Variants in VIT observed in about 807,000 individuals in gnomAD.
VIT encodes vitrin.
VIT carries 99 observed loss-of-function variants against 78.0 expected under a neutral mutation model. The observed-to-expected ratio is 1.27, with a 90% CI of 1.08 to 1.50. The LOEUF (loss-of-function observed/expected upper bound fraction) is 1.50. Among genes scored for constraint, VIT ranks in the 40% most tolerant of loss-of-function variants. VIT has a pLI of 0.00. For missense variants in VIT, 1,126 were observed against 875.3 expected (o/e 1.29, Z -3.61); for synonymous variants, 374 against 334.3 (o/e 1.12, Z -1.29).
At chr2:36,796,494 A>C (rs1665911686) in intron 12 of VIT, among the ~76,000 whole-genome samples, 1 of 152,226 alleles carries the variant, frequency 6.6e-6, no homozygotes, top group Admixed American at 6.5e-5. Context: ...TGGTAGGGGA[A>C]AGAGACAGGG....
chr2:36,718,465 G>A (rs554845544), intron 2 of VIT, among the ~76,000 whole-genome samples: 88 of 152,236 alleles, frequency 5.8e-4, no homozygotes, highest in Middle Eastern at 3.4e-3. Context: ...CAAATTATAT[G>A]TTTGAGCTAT....
chr2:36,738,353 G>A (rs1217024015), intron 3 of VIT, among the ~76,000 whole-genome samples: 1 of 152,138 alleles, frequency 6.6e-6, no homozygotes, highest in Non-Finnish European at 1.5e-5. Context: ...ATTGTTAATT[G>A]AACAAATTAA....
At chr2:36,788,347 A>G (rs1286250904) in intron 12 of VIT, among the ~76,000 whole-genome samples, 1 of 152,214 alleles carries the variant, frequency 6.6e-6, no homozygotes, top group Non-Finnish European at 1.5e-5. Context: ...ATCAATATTA[A>G]TTTTTGAGTT....
At chr2:36,733,676 T>C (rs976331060) in intron 3 of VIT, among the ~76,000 whole-genome samples, 7 of 152,330 alleles carry the variant, frequency 4.6e-5, no homozygotes, top group African/African-American at 1.4e-4. Flanking sequence ...CAACTTTATA[T>C]AGTAAGTTGG....
chr2:36,699,629 GATA>G lies in VIT; in HGVS notation c.-19+2657_-19+2659del, dbSNP rs1664915030. On this transcript the variant is annotated intron_variant, in intron 1 of 15. Coordinates refer to ENST00000379242, the MANE Select transcript of VIT (RefSeq NM_053276.4). Reference sequence around the variant, plus strand: ...ATAGATATAGATAGATATATAGGTAGATAGATAGATAGATAGATAGATAGATAG... The same window carrying G: ...ATAGATATAGATAGATATATAGGTAGGATAGATAGATAGATAGATAGATAG... 8.8e-4 allele frequency among the ~76,000 whole-genome samples: 127 copies of G among 144,514 alleles called. 1 individual carries two copies. The highest frequency in any genetic ancestry group is 2.6e-3 in the African/African-American group (95 of 37,186). 94.8% of individuals were successfully genotyped at this position (144,514 alleles called of 152,430 possible). A position where few individuals can be genotyped will look rare whatever the true frequency, so the allele number is the denominator to read the frequency against.
chr2:36,765,572 G>T (rs1259943596), intron 6 of VIT, among the ~76,000 whole-genome samples: 1 of 152,204 alleles, frequency 6.6e-6, no homozygotes, highest in African/African-American at 2.4e-5. Flanking sequence ...GACAGGTGGG[G>T]ATTATGGGGA....
intron 10 of VIT, among the ~76,000 whole-genome samples, 181 bp downstream of exon 10, chr2:36,781,952 G>A (rs937566205): frequency 6.6e-6 from 1 of 152,096 alleles, no homozygotes; most frequent in African/African-American, 2.4e-5. Flanking sequence ...TCCCTAGGGA[G>A]GCCTGGGGTA....
chr2:36,799,139 GCCTTGTAAATAAGCCAC>G, intron 12 of VIT, among the ~76,000 whole-genome samples: 2 of 152,204 alleles, frequency 1.3e-5, no homozygotes, highest in Non-Finnish European at 2.9e-5. Context: ...TTCATCCCTT[GCCTTGTAAATAAGCCAC>G]CCTCTGGGGA....
At chr2:36,752,088 T>C (rs186477731) in intron 4 of VIT, among the ~76,000 whole-genome samples, 18 of 152,320 alleles carry the variant, frequency 1.2e-4, no homozygotes, top group Admixed American at 1.1e-3. Flanking sequence ...CTAAAGGGTT[T>C]AATGTTCATA....
intron 2 of VIT, among the ~76,000 whole-genome samples, chr2:36,718,967 T>G (rs933157236): frequency 1.3e-4 from 20 of 152,218 alleles, no homozygotes; most frequent in African/African-American, 4.8e-5. Context: ...AAGAATGGGT[T>G]GAGGGTGGGA....
chr2:36,813,845 T>C (rs941707547), intron 15 of VIT, among the ~76,000 whole-genome samples: 11 of 152,228 alleles, frequency 7.2e-5, no homozygotes, highest in African/African-American at 2.4e-4. Flanking sequence ...TCTTCCCCTC[T>C]TCTATTCCCA....
At chr2:36,790,819 T>A (rs1379724317) in intron 12 of VIT, among the ~76,000 whole-genome samples, 1 of 152,206 alleles carries the variant, frequency 6.6e-6, no homozygotes, top group Non-Finnish European at 1.5e-5. Context: ...CAAGCCCCTG[T>A]CTTGCACATG....
At chr2:36,721,163 A>C (rs1324475961) in intron 2 of VIT, among the ~76,000 whole-genome samples, 1 of 152,214 alleles carries the variant, frequency 6.6e-6, no homozygotes, top group African/African-American at 2.4e-5. Context: ...CACACATAAA[A>C]ATTGTTAAGT....
intron 12 of VIT, among the ~76,000 whole-genome samples, chr2:36,794,460 C>T (rs1665724217): frequency 6.6e-6 from 1 of 152,162 alleles, no homozygotes; most frequent in Admixed American, 6.6e-5. Context: ...AGTAACCAGG[C>T]TAATCAGGCC....
At chr2:36,767,006 G>T (rs1669470679) in intron 6 of VIT, 88 bp from the exon 7 acceptor site, 1 of 1,371,214 alleles carries the variant, frequency 7.3e-7, no homozygotes, top group Admixed American at 3.3e-5. Flanking sequence ...CTCATAGCTA[G>T]TGTTCAATCA....
In VIT at chr2:36,707,203, C is replaced by T. The variant is rs182120833; in HGVS notation, c.-18-9150C>T. Among the ~76,000 whole-genome samples, 997 of 152,298 alleles carry T rather than the reference C, an allele frequency of 6.5e-3. 6 individuals are homozygous for T. The highest frequency in any genetic ancestry group is 6.9e-3 in the Non-Finnish European group (472 of 68,024). The stretch of plus-strand genomic sequence containing the variant: ...AAGGGAAATGTATTATCTCACATAA[C>T]AGACAGTCCAGGGGCAGGCCCAGCC... On this transcript the variant is annotated intron_variant, in intron 1 of 15. Coordinates refer to ENST00000379242, the MANE Select transcript of VIT (RefSeq NM_053276.4).
chr2:36,712,446 C>G (rs1665863027), intron 1 of VIT, among the ~76,000 whole-genome samples: 1 of 152,194 alleles, frequency 6.6e-6, no homozygotes, highest in Admixed American at 6.5e-5. Flanking sequence ...CTGCTCTCCG[C>G]CTTCCCTTTG....
chr2:36,779,776 G>C (rs1327318502), intron 9 of VIT, among the ~76,000 whole-genome samples: 1 of 152,174 alleles, frequency 6.6e-6, no homozygotes, highest in Non-Finnish European at 1.5e-5. Context: ...AGCAAGAATT[G>C]TCACAAAAAC....
intron 1 of VIT, among the ~76,000 whole-genome samples, chr2:36,702,912 C>T (rs1665155880): frequency 6.6e-6 from 1 of 152,220 alleles, no homozygotes; most frequent in Non-Finnish European, 1.5e-5. Context: ...CCTTGGGCAA[C>T]TGGTAAGCTC....
Sources: gnomAD v4.1 joint callset for allele counts (sites outside exome capture counted in the v4.1 genomes callset) on GRCh38, gnomAD v4.1.1 for gene constraint, MANE v1.5 for transcripts, NCBI Gene and HGNC (gene_info 2026-07-23, HGNC 2026-07-21) for gene names.